Variants in RASSF8 observed in about 807,000 individuals in gnomAD.
RASSF8 encodes the protein ras association domain-containing protein 8.
Under a neutral mutation model 48.5 loss-of-function variants are expected in RASSF8, and 22 were observed. The observed-to-expected ratio is 0.45, with a 90% CI of 0.32 to 0.65. RASSF8 has a LOEUF of 0.65. RASSF8 is among the 30% of genes least tolerant of loss of function. RASSF8 has a pLI of 0.03. For missense variants in RASSF8, 418 were observed against 489.2 expected, an observed-to-expected ratio of 0.85 and a Z score of 1.37; for synonymous variants, 127 against 171.5, an observed-to-expected ratio of 0.74 and a Z score of 2.03.
chr12:26,065,279 C>T lies in RASSF8; in HGVS notation c.885C>T (p.Ile295=), dbSNP rs1167257196. ...ATGAGGAAGAGGTTAAAGGAAAGATCGGTAAGGTCAAAGGGGAGATTGACA... is the reference window on the plus strand; with the variant it reads ...ATGAGGAAGAGGTTAAAGGAAAGATTGGTAAGGTCAAAGGGGAGATTGACA... The part of the protein sequence containing the change: ...QVNEEEVKGK[I]GKVKGEIDIQ... Residue 295 remains isoleucine (I), a synonymous_variant, in exon 4 of 6, where the codon ATC becomes ATT. Transcript: ENST00000689635. 14 of 1,613,954 alleles carry T rather than the reference C, an allele frequency of 8.7e-6. No homozygotes were observed. The highest frequency in any genetic ancestry group is 6.6e-5 in the South Asian group (6 of 91,080).
chr12:25,997,328 T>C (rs1942156422), intron 2 of RASSF8, among the ~76,000 whole-genome samples: 1 of 152,164 alleles, frequency 6.6e-6, no homozygotes, highest in Admixed American at 6.5e-5. Flanking sequence ...CTTAGTTCTA[T>C]AATAGTTCAA....
intron 3 of RASSF8, among the ~76,000 whole-genome samples, chr12:26,059,626 A>C (rs932811391): frequency 6.6e-6 from 1 of 152,178 alleles, no homozygotes; most frequent in African/African-American, 2.4e-5. Flanking sequence ...TGTATTGTGA[A>C]TTAATTTTCC....
At chr12:25,994,135 A>G (rs901524383) in intron 1 of RASSF8, among the ~76,000 whole-genome samples, 1 of 152,082 alleles carries the variant, frequency 6.6e-6, no homozygotes, top group Non-Finnish European at 1.5e-5. Flanking sequence ...TTTGCATCAG[A>G]TTTGGGGTCT....
chr12:25,967,874 A>G (rs554622910), intron 1 of RASSF8, among the ~76,000 whole-genome samples: 1 of 152,316 alleles, frequency 6.6e-6, no homozygotes, highest in South Asian at 2.1e-4. Context: ...GGAGTTAGAG[A>G]CAACCCTGTC....
intron 2 of RASSF8, among the ~76,000 whole-genome samples, chr12:26,043,857 A>C (rs946077859): frequency 1.3e-5 from 2 of 152,194 alleles, no homozygotes; most frequent in African/African-American, 4.8e-5. Flanking sequence ...TATAGAGTCC[A>C]AAAACAGGCA....
intron 2 of RASSF8, among the ~76,000 whole-genome samples, chr12:26,030,597 A>G (rs1174091771): frequency 6.6e-6 from 1 of 152,240 alleles, no homozygotes; most frequent in African/African-American, 2.4e-5. Flanking sequence ...TTGCAGTGCA[A>G]CAGAAATTCC....
In RASSF8 at chr12:26,036,861, A is replaced by G. The variant is rs1943162881; in HGVS notation, c.-108-18375A>G. 2.6e-5 allele frequency among the ~76,000 whole-genome samples: 4 copies of G among 152,302 alleles called. No homozygotes were observed. The South Asian group carries it at 8.3e-4, about 32-fold the overall frequency. ...AACCCAGGAGGCAGAGGTTGAAGTGAGCCGAGATAACACCACTGCACTCCA... is the reference window on the plus strand; with the variant it reads ...AACCCAGGAGGCAGAGGTTGAAGTGGGCCGAGATAACACCACTGCACTCCA... On this transcript the variant is annotated intron_variant, in intron 2 of 5. Coordinates refer to ENST00000689635, the MANE Select transcript of RASSF8 (RefSeq NM_001394098.1).
intron 1 of RASSF8, among the ~76,000 whole-genome samples, chr12:25,990,292 G>A (rs1409984986): frequency 3.9e-5 from 6 of 152,170 alleles, no homozygotes; most frequent in Admixed American, 2.6e-4. Flanking sequence ...CTCTGCTGTA[G>A]CTTTTTTCCA....
intron 2 of RASSF8, among the ~76,000 whole-genome samples, chr12:26,000,267 A>C (rs943037651): frequency 6.6e-6 from 1 of 152,204 alleles, no homozygotes. Flanking sequence ...GAATGTAAAA[A>C]TGTAGTAATA....
At chr12:26,068,556 C>A in intron 5 of RASSF8, 141 bp from the exon 6 acceptor site, 1 of 662,128 alleles carries the variant, frequency 1.5e-6, no homozygotes, top group East Asian at 2.8e-5. Flanking sequence ...GCCTTCTCCC[C>A]CAGCCCAGGG....
At chr12:26,032,597 T>A (rs1371674682) in intron 2 of RASSF8, among the ~76,000 whole-genome samples, 1 of 128,940 alleles carries the variant, frequency 7.8e-6, no homozygotes, top group East Asian at 2.5e-4. Context: ...TTCCTGGCAG[T>A]TTTTTTATTA....
intron 2 of RASSF8, among the ~76,000 whole-genome samples, chr12:26,023,529 A>G (rs1942835120): frequency 6.6e-6 from 1 of 152,218 alleles, no homozygotes; most frequent in Non-Finnish European, 1.5e-5. Flanking sequence ...TTTATGCAAA[A>G]TGAACACATT....
intron 1 of RASSF8, among the ~76,000 whole-genome samples, chr12:25,960,362 G>C (rs1941201620): frequency 1.3e-5 from 2 of 152,226 alleles, no homozygotes; most frequent in South Asian, 4.1e-4. Context: ...AGGCGGTAGT[G>C]AATGCCAGCC....
At chr12:25,985,770 A>G (rs1206584153) in intron 1 of RASSF8, among the ~76,000 whole-genome samples, 2 of 152,114 alleles carry the variant, frequency 1.3e-5, no homozygotes, top group African/African-American at 2.4e-5. Context: ...TCAGCAGTGC[A>G]GTGCTAGGGC....
At chr12:26,063,169 C>A (rs543174727) in intron 3 of RASSF8, among the ~76,000 whole-genome samples, 12 of 152,142 alleles carry the variant, frequency 7.9e-5, no homozygotes, top group Non-Finnish European at 1.6e-4. Context: ...GCTGTTTATA[C>A]AAGTATAATT....
At chr12:26,003,394 T>C (rs1942308539) in intron 2 of RASSF8, among the ~76,000 whole-genome samples, 1 of 152,204 alleles carries the variant, frequency 6.6e-6, no homozygotes, top group Non-Finnish European at 1.5e-5. Context: ...GTGTTCATCA[T>C]GAATATTGCA....
intron 2 of RASSF8, among the ~76,000 whole-genome samples, chr12:26,031,789 A>C (rs938348447): frequency 2.6e-5 from 4 of 152,210 alleles, no homozygotes; most frequent in Non-Finnish European, 4.4e-5. Flanking sequence ...TAGCAGCCAC[A>C]CATGTAAAAC....
At chr12:25,968,070 G>A (rs1315889260) in intron 1 of RASSF8, among the ~76,000 whole-genome samples, 2 of 152,200 alleles carry the variant, frequency 1.3e-5, no homozygotes, top group African/African-American at 4.8e-5. Flanking sequence ...GCTGCTTCTA[G>A]CTGTCTCCTT....
chr12:25,974,935 T>C (rs1279964370), intron 1 of RASSF8, among the ~76,000 whole-genome samples: 1 of 152,198 alleles, frequency 6.6e-6, no homozygotes, highest in East Asian at 1.9e-4. Flanking sequence ...AAGCTGGCTA[T>C]GCAAAAACAA....
Sources: gnomAD v4.1 joint callset for allele counts (sites outside exome capture counted in the v4.1 genomes callset) on GRCh38, gnomAD v4.1.1 for gene constraint, MANE v1.5 for transcripts, NCBI Gene and HGNC (gene_info 2026-07-23, HGNC 2026-07-21) for gene names.